CENPU: variants seen among roughly 807,000 people sequenced by gnomAD.
CENPU encodes the protein centromere protein U.
Under a neutral mutation model 56.7 loss-of-function variants are expected in CENPU, and 46 were observed. The observed-to-expected ratio is 0.81, with a 90% CI of 0.64 to 1.04. CENPU has a LOEUF of 1.04. CENPU is among the 50% of genes least tolerant of loss of function. The probability of loss-of-function intolerance (pLI) is 0.00; values close to 1 mark genes in which losing one functional copy is unlikely to be tolerated. For missense variants in CENPU, 510 were observed against 490.1 expected, an observed-to-expected ratio of 1.04 and a Z score of -0.38; for synonymous variants, 166 against 163.0, an observed-to-expected ratio of 1.02 and a Z score of -0.14.
chr4:184,709,974 C>A, intron 8 of CENPU, 98 bp downstream of exon 8: 1 of 465,168 alleles, frequency 2.1e-6, no homozygotes. Context: ...AAAACAATGA[C>A]AATGAAAATA....
rs375898775 is a variant in CENPU at position 184,734,086 on chromosome 4, G to T, written c.-24C>A. On this transcript the variant is annotated 5_prime_UTR_variant, in exon 1 of 13. Coordinates refer to ENST00000281453, the MANE Select transcript of CENPU (RefSeq NM_024629.4). ...ATGGTGCCGCTCTCCGCTCTCGAGC[G>T]ACTGGAAGCTCCCGCCAAGCCCCTC... 134 of 1,543,362 alleles carry T rather than the reference G, an allele frequency of 8.7e-5. No individual in the cohort carries two copies. The African/African-American group carries it at 1.4e-3, about 16-fold the overall frequency.
chr4:184,726,503 G>A (rs1452726281), intron 3 of CENPU, among the ~76,000 whole-genome samples: 1 of 152,152 alleles, frequency 6.6e-6, no homozygotes, highest in Non-Finnish European at 1.5e-5. Flanking sequence ...AAAATAGCAA[G>A]TGTAGGCAAG....
At chr4:184,706,437 G>A (rs1760731454) in intron 8 of CENPU, among the ~76,000 whole-genome samples, 1 of 152,224 alleles carries the variant, frequency 6.6e-6, no homozygotes. Flanking sequence ...CAATCACAAA[G>A]GTGATGGTCT....
intron 7 of CENPU, among the ~76,000 whole-genome samples, chr4:184,712,567 A>G (rs530308151): frequency 6.6e-6 from 1 of 152,346 alleles, no homozygotes; most frequent in South Asian, 2.1e-4. Flanking sequence ...AACTCCAGTT[A>G]ATCATGTGCA....
In CENPU at chr4:184,694,737, T is replaced by C; in HGVS notation, c.*551A>G. ...TTCTCAGTTATAACAGTGAAGTGGA[T>C]GAAATTCCTGATGAACTAATTATAG... On this transcript the variant is annotated 3_prime_UTR_variant, in exon 13 of 13. Coordinates refer to ENST00000281453, the MANE Select transcript of CENPU (RefSeq NM_024629.4). The C allele has an allele frequency of 6.2e-7, 1 of 1,612,492 alleles. No individual in the cohort carries two copies. The highest frequency in any genetic ancestry group is 1.7e-4 in the Middle Eastern group (1 of 6,054).
rs73874422 is a variant in CENPU, at chr4:184,716,509, G to A, written c.506C>T (p.Ala169Val). Residue 169 changes from alanine to valine, a missense_variant, in exon 6 of 13, where the codon GCG (alanine) becomes GTG (valine). Coordinates refer to ENST00000281453, the MANE Select transcript of CENPU (RefSeq NM_024629.4). ...TGGTTTCTCTGAAAGTTCTGAAGAC[G>A]CTGTGGTTCGAATAACCTCATGACG... ...TQRHEVIRTT[A>V]SSELSEKPAE... 2,358 of 1,614,086 alleles carry A rather than the reference G, an allele frequency of 1.5e-3. 24 individuals are homozygous for A. In the African/African-American group the frequency reaches 0.025, roughly 17 times the overall value.
chr4:184,728,821 T>G, intron 3 of CENPU, 97 bp downstream of exon 3: 1 of 875,048 alleles, frequency 1.1e-6, no homozygotes, highest in East Asian at 2.5e-5. Flanking sequence ...TGCAGGCAAC[T>G]AATTTTTATA....
At chr4:184,713,345 G>A (rs888239599) in intron 6 of CENPU, among the ~76,000 whole-genome samples, 6 of 152,168 alleles carry the variant, frequency 3.9e-5, no homozygotes, top group African/African-American at 7.2e-5. Flanking sequence ...AGTGAGCTGA[G>A]ATTGCGCCAC....
intron 3 of CENPU, among the ~76,000 whole-genome samples, chr4:184,726,974 TGGGGGGGGG>T (rs56330358): frequency 3.2e-5 from 3 of 93,118 alleles, no homozygotes; most frequent in African/African-American, 4.2e-5. Flanking sequence ...TCCTGGGGGG[TGGGGGGGGG>T]GGGCGCCTGG....
At chr4:184,696,107 T>G (rs576655774) in intron 12 of CENPU, among the ~76,000 whole-genome samples, 3 of 152,252 alleles carry the variant, frequency 2.0e-5, no homozygotes, top group Non-Finnish European at 4.4e-5. Context: ...TTTGATAGTT[T>G]GCTGTTTAAT....
At position 184,733,360 on chromosome 4, in the gene CENPU, C is replaced by T. The variant is rs527682665; in HGVS notation, c.47+656G>A. The T allele has an allele frequency of 7.1e-6, 7 of 987,980 alleles. No homozygotes were observed. The South Asian group carries it at 1.4e-4, about 20-fold the overall frequency. The allele number at this position is 987,980 out of a possible 1,614,324, so 61.2% of individuals were successfully genotyped here. On this transcript the variant is annotated intron_variant, in intron 1 of 12. Coordinates refer to ENST00000281453, the MANE Select transcript of CENPU (RefSeq NM_024629.4). ...TCCTGTTCTCTTCAGATCGTCTTGG[C>T]GTATGGCTTTGTGCACCGTCTGCAG...
At chr4:184,703,594 C>CA (rs1192759694) in intron 8 of CENPU, among the ~76,000 whole-genome samples, 4 of 151,896 alleles carry the variant, frequency 2.6e-5, no homozygotes, top group Admixed American at 6.6e-5. Context: ...TTGGCAGTTC[C>CA]AAAAAAATAA....
intron 8 of CENPU, among the ~76,000 whole-genome samples, chr4:184,709,767 C>T (rs1199583914): frequency 1.3e-5 from 2 of 149,924 alleles, no homozygotes. Context: ...AGATCATGTA[C>T]CAGGTCATGA....
At chr4:184,718,766 G>A (rs923560034) in intron 4 of CENPU, among the ~76,000 whole-genome samples, 21 of 152,166 alleles carry the variant, frequency 1.4e-4, no homozygotes, top group African/African-American at 4.1e-4. Context: ...TTGCTGGATC[G>A]GAGGGGAGTG....
At chr4:184,705,308 G>A (rs1025732214) in intron 8 of CENPU, among the ~76,000 whole-genome samples, 2 of 152,136 alleles carry the variant, frequency 1.3e-5, no homozygotes, top group African/African-American at 4.8e-5. Flanking sequence ...GTGGAAAAAA[G>A]CTAATCCCAA....
chr4:184,694,947 T>C lies in CENPU; in HGVS notation c.*341A>G, dbSNP rs1401365157. ...CAATTTCATTAAAAATTAGCTTTGG[T>C]GTAAATTCAGGAGAAATCGCCTTAT... is the stretch of plus-strand genomic sequence containing the variant. On this transcript the variant is annotated 3_prime_UTR_variant, in exon 13 of 13. Transcript: ENST00000281453. 1.7e-6 allele frequency: 1 copy of C among 604,984 alleles called. No homozygotes were observed. Among genetic ancestry groups the C allele is most frequent in the East Asian group, 2.8e-5 (1 of 35,504 alleles). 37.5% of individuals were successfully genotyped at this position (604,984 alleles called of 1,614,324 possible).
chr4:184,724,859 G>T, intron 4 of CENPU, 98 bp downstream of exon 4: 2 of 761,382 alleles, frequency 2.6e-6, no homozygotes, highest in Non-Finnish European at 4.2e-6. Context: ...TGGCTCAAAG[G>T]ATCTTGAAAT....
chr4:184,708,068 C>CA (rs1381009036), intron 8 of CENPU, among the ~76,000 whole-genome samples: 2 of 151,512 alleles, frequency 1.3e-5, no homozygotes, highest in East Asian at 3.9e-4. Flanking sequence ...ACTAAAAATA[C>CA]AAAAAATTAG....
At chr4:184,717,556 T>G (rs1319060627) in intron 4 of CENPU, among the ~76,000 whole-genome samples, 1 of 152,238 alleles carries the variant, frequency 6.6e-6, no homozygotes, top group East Asian at 1.9e-4. Context: ...AACACCTTCT[T>G]TTATCCTTTA....
Sources: allele counts gnomAD v4.1 joint callset (sites outside exome capture counted in the v4.1 genomes callset), GRCh38; gene constraint gnomAD v4.1.1; transcripts MANE v1.5; gene names NCBI Gene and HGNC (gene_info 2026-07-23, HGNC 2026-07-21).